NRG4: variants seen among roughly 807,000 people sequenced by gnomAD.
The protein encoded by NRG4 is neuregulin 4, also known as pro-neuregulin-4, membrane-bound isoform.
NRG4 carries 10 observed loss-of-function variants against 15.0 expected under a neutral mutation model. That is an observed-to-expected ratio of 0.67 (90% CI 0.41 to 1.13). The LOEUF (loss-of-function observed/expected upper bound fraction) is 1.13, where lower values mean the gene tolerates loss of function less well. Among genes scored for constraint, NRG4 ranks in the 50% most tolerant of loss-of-function variants. The pLI is 0.00. For missense variants in NRG4, 139 were observed against 140.2 expected, an observed-to-expected ratio of 0.99 and a Z score of 0.04; for synonymous variants, 41 against 50.1, an observed-to-expected ratio of 0.82 and a Z score of 0.77.
intron 3 of NRG4, among the ~76,000 whole-genome samples, chr15:75,992,456 CCTT>C (rs1414420823): frequency 2.0e-5 from 3 of 151,952 alleles, no homozygotes; most frequent in Non-Finnish European, 4.4e-5. Context: ...CTTTATATTG[CCTT>C]CATTTTTAAA....
intron 5 of NRG4, among the ~76,000 whole-genome samples, chr15:75,952,711 C>A (rs77254026): frequency 0.016 from 2,452 of 151,988 alleles, 63 homozygotes; most frequent in African/African-American, 0.055. Context: ...AGTATGCCAC[C>A]ACACTTGGTT....
chr15:75,960,312 C>T (rs2032452684), intron 4 of NRG4, among the ~76,000 whole-genome samples: 2 of 152,168 alleles, frequency 1.3e-5, no homozygotes, highest in Admixed American at 6.5e-5. Context: ...AACATAGATA[C>T]ATTTAAAGTC....
At chr15:75,964,692 G>A (rs993950426) in intron 3 of NRG4, among the ~76,000 whole-genome samples, 1 of 152,144 alleles carries the variant, frequency 6.6e-6, no homozygotes, top group African/African-American at 2.4e-5. Context: ...TTGCGAGGCT[G>A]AGGCAGGAGG....
intron 5 of NRG4, among the ~76,000 whole-genome samples, chr15:76,034,453 G>A (rs935269814): frequency 6.6e-6 from 1 of 152,112 alleles, no homozygotes; most frequent in Non-Finnish European, 1.5e-5. Flanking sequence ...CCTCTTTGGC[G>A]ACATCTAAGG....
chr15:75,954,223 G>A (rs1269020714), intron 5 of NRG4, among the ~76,000 whole-genome samples: 3 of 149,204 alleles, frequency 2.0e-5, no homozygotes, highest in African/African-American at 7.4e-5. Context: ...ATTTTCTATG[G>A]TGTGTAATCT....
chr15:75,999,778 A>AT (rs369159219), intron 3 of NRG4, among the ~76,000 whole-genome samples: 33 of 152,282 alleles, frequency 2.2e-4, no homozygotes, highest in African/African-American at 7.9e-4. Context: ...GCTTATACCT[A>AT]TAATCCCAGC....
At chr15:75,985,373 GC>G (rs948614978) in intron 3 of NRG4, among the ~76,000 whole-genome samples, 14 of 152,166 alleles carry the variant, frequency 9.2e-5, no homozygotes, top group African/African-American at 2.9e-4. Flanking sequence ...CACAGAACAA[GC>G]CTAATTCCTC....
chr15:76,048,479 A>G (rs1418595873), intron 4 of NRG4, among the ~76,000 whole-genome samples: 4 of 150,360 alleles, frequency 2.7e-5, no homozygotes, highest in Middle Eastern at 3.4e-3. Context: ...CTCAAAAAAA[A>G]AAAAAAAAAA....
intron 3 of NRG4, among the ~76,000 whole-genome samples, chr15:76,006,262 T>C (rs1057360073): frequency 6.6e-6 from 1 of 152,066 alleles, no homozygotes; most frequent in Non-Finnish European, 1.5e-5. Context: ...AGTGACAAGA[T>C]GGTTGAGATG....
At chr15:76,057,245 A>AC (rs1302734765) in intron 1 of NRG4, 2 of 151,658 alleles carry the variant, frequency 1.3e-5, no homozygotes, top group South Asian at 2.1e-4. Flanking sequence ...TCACAAGTCA[A>AC]CCCCCTGATA....
intron 4 of NRG4, 98 bp from the exon 5 acceptor site, chr15:75,956,109 C>A: frequency 2.9e-6 from 2 of 692,266 alleles, no homozygotes; most frequent in Non-Finnish European, 5.2e-6. Flanking sequence ...AATTTCCCTT[C>A]TTCCCCCTTT....
intron 5 of NRG4, among the ~76,000 whole-genome samples, chr15:76,023,393 C>T (rs1411953813): frequency 6.6e-6 from 1 of 152,166 alleles, no homozygotes; most frequent in Non-Finnish European, 1.5e-5. Flanking sequence ...ACAGGAGAGA[C>T]TTTCCCTTTC....
chr15:76,014,978 A>G (rs572686763), upstream of NRG4, among the ~76,000 whole-genome samples: 51 of 152,204 alleles, frequency 3.4e-4, no homozygotes, highest in Non-Finnish European at 6.6e-4. Context: ...ATCCATGAGC[A>G]TGGAATGTTC....
In NRG4 at chr15:76,054,420, T is replaced by C. The variant is rs563950988; in HGVS notation, c.-261-1437A>G. 6.6e-5 allele frequency among the ~76,000 whole-genome samples: 10 copies of C among 152,182 alleles called. No homozygotes were observed. In the South Asian group the frequency reaches 2.1e-3, roughly 32 times the overall value. ...GGATCATTTTTGTTTTGTTTTGTTT[T>C]GTTTGTTTTTTGAGATGGAGTTCCG... is the stretch of plus-strand genomic sequence containing the variant. On this transcript the variant is annotated intron_variant, in intron 2 of 8. Coordinates refer to the NRG4 transcript ENST00000563910.
intron 5 of NRG4, among the ~76,000 whole-genome samples, chr15:76,028,147 G>T (rs541557707): frequency 6.6e-6 from 1 of 151,868 alleles, no homozygotes; most frequent in South Asian, 2.1e-4. Context: ...CTCAAAATTA[G>T]TAGAAGAAAT....
At chr15:75,958,977 GTTTA>G (rs111386255) in intron 4 of NRG4, 9,993 of 183,356 alleles carry the variant, frequency 0.055, 620 homozygotes, top group African/African-American at 0.17. Flanking sequence ...CCATTAATTT[GTTTA>G]TTTATTTATT....
At chr15:76,008,603 A>G (rs1315425402) in intron 3 of NRG4, among the ~76,000 whole-genome samples, 9 of 152,196 alleles carry the variant, frequency 5.9e-5, no homozygotes, top group Admixed American at 5.2e-4. Flanking sequence ...CATAGGAATC[A>G]GGCTACAGAA....
intron 5 of NRG4, among the ~76,000 whole-genome samples, chr15:76,018,537 G>A (rs1044983466): frequency 6.6e-6 from 1 of 152,084 alleles, no homozygotes; most frequent in Non-Finnish European, 1.5e-5. Context: ...TGTTGATGTT[G>A]ATGCGATTCC....
At chr15:75,956,876 G>A (rs540732229) in intron 4 of NRG4, among the ~76,000 whole-genome samples, 2 of 152,152 alleles carry the variant, frequency 1.3e-5, no homozygotes, top group African/African-American at 4.8e-5. Flanking sequence ...GGACAGCCTA[G>A]ATCTTGTGAC....
Sources: allele counts gnomAD v4.1 joint callset (sites outside exome capture counted in the v4.1 genomes callset), GRCh38; gene constraint gnomAD v4.1.1; transcripts MANE v1.5; gene names NCBI Gene and HGNC (gene_info 2026-07-23, HGNC 2026-07-21).